Variants in CRACD observed in about 807,000 individuals in gnomAD.
The protein encoded by CRACD is capping protein inhibiting regulator of actin dynamics.
A neutral mutation model predicts 106.8 loss-of-function variants in CRACD; 56 were observed. The ratio of observed to expected loss-of-function variants is 0.52; its 90% CI spans 0.42 to 0.66. The LOEUF (loss-of-function observed/expected upper bound fraction) is 0.66. CRACD is among the 30% of genes least tolerant of loss of function. The pLI is 0.00. For missense variants in CRACD, 1,730 were observed against 1,623.2 expected (o/e 1.07, Z -1.13); for synonymous variants, 754 against 670.8 (o/e 1.12, Z -1.92).
intron 3 of CRACD, among the ~76,000 whole-genome samples, chr4:56,280,781 T>C (rs1177327895): frequency 1.3e-5 from 2 of 152,180 alleles, no homozygotes; most frequent in African/African-American, 4.8e-5. Flanking sequence ...GAATCCACAG[T>C]TGGTGCCATG....
intron 1 of CRACD, among the ~76,000 whole-genome samples, chr4:56,124,213 C>T (rs561833521): frequency 2.8e-4 from 43 of 152,334 alleles, no homozygotes; most frequent in Non-Finnish European, 5.7e-4. Flanking sequence ...GCTGGGATTA[C>T]AGGCGTGAGC....
chr4:56,158,416 G>A (rs1309527875), intron 1 of CRACD, among the ~76,000 whole-genome samples: 1 of 151,946 alleles, frequency 6.6e-6, no homozygotes, highest in Admixed American at 6.6e-5. Flanking sequence ...TCCTCTAAAG[G>A]AAAGAACAAA....
chr4:56,077,027 G>T (rs1732861901), intron 1 of CRACD, among the ~76,000 whole-genome samples: 1 of 152,146 alleles, frequency 6.6e-6, no homozygotes, highest in Non-Finnish European at 1.5e-5. Context: ...GAGTATGCTA[G>T]TGGGATCTGC....
At chr4:56,138,079 C>A (rs968466570) in intron 1 of CRACD, among the ~76,000 whole-genome samples, 1 of 151,928 alleles carries the variant, frequency 6.6e-6, no homozygotes, top group East Asian at 1.9e-4. Context: ...AACCCCCCCA[C>A]CCACTCTCCT....
chr4:56,100,024 C>T (rs917493262), intron 1 of CRACD, among the ~76,000 whole-genome samples: 2 of 152,098 alleles, frequency 1.3e-5, no homozygotes, highest in African/African-American at 4.8e-5. Context: ...GGGCGGATCA[C>T]GAGGTCAGGA....
chr4:56,185,181 T>C (rs1737033100), intron 2 of CRACD, among the ~76,000 whole-genome samples: 1 of 152,106 alleles, frequency 6.6e-6, no homozygotes, highest in African/African-American at 2.4e-5. Context: ...ATGGTCTCGA[T>C]CTCCTGACCT....
chr4:56,060,975 A>G (rs2109785645), intron 1 of CRACD, among the ~76,000 whole-genome samples: 1 of 152,294 alleles, frequency 6.6e-6, no homozygotes, highest in East Asian at 1.9e-4. Context: ...TCTGTTATTT[A>G]TAAGCCACCC....
intron 1 of CRACD, among the ~76,000 whole-genome samples, chr4:56,173,386 G>A (rs564673990): frequency 1.3e-5 from 2 of 152,300 alleles, no homozygotes; most frequent in African/African-American, 4.8e-5. Flanking sequence ...TATCCCTGAG[G>A]ATATGAGAAA....
chr4:56,222,472 C>G (rs1241960196), intron 2 of CRACD, among the ~76,000 whole-genome samples: 1 of 152,120 alleles, frequency 6.6e-6, no homozygotes, highest in Non-Finnish European at 1.5e-5. Flanking sequence ...GCACTGAAAT[C>G]TCAGAATTCA....
chr4:56,060,832 C>T (rs1231829480), intron 1 of CRACD, among the ~76,000 whole-genome samples: 1 of 152,122 alleles, frequency 6.6e-6, no homozygotes. Flanking sequence ...AGAGCTCCCT[C>T]ACCCATTCAA....
At chr4:56,307,921 T>C (rs1376839755) in intron 5 of CRACD, among the ~76,000 whole-genome samples, 6 of 152,188 alleles carry the variant, frequency 3.9e-5, no homozygotes, top group African/African-American at 1.4e-4. Context: ...CTTCCCAGTG[T>C]CTTTCACTTA....
At chr4:56,167,216 C>G (rs1021803669) in intron 1 of CRACD, among the ~76,000 whole-genome samples, 1 of 151,866 alleles carries the variant, frequency 6.6e-6, no homozygotes, top group Non-Finnish European at 1.5e-5. Flanking sequence ...TTCAAAAAAG[C>G]TGTGTTATAT....
At chr4:56,191,464 C>G (rs1271630272) in intron 2 of CRACD, among the ~76,000 whole-genome samples, 2 of 150,662 alleles carry the variant, frequency 1.3e-5, no homozygotes, top group Non-Finnish European at 3.0e-5. Context: ...ACCATCACAT[C>G]CTCTCCTGTG....
At position 56,108,703 on chromosome 4, in the gene CRACD, G is replaced by A. The variant is rs186569109; in HGVS notation, c.-336+59404G>A. ...CCAAGTAATTGATAAGGTCAAGCAA[G>A]TCATGTGATCATGGGACAGGGGGCC... On this transcript the variant is annotated intron_variant, in intron 1 of 10. Transcript: ENST00000682029. Among the ~76,000 whole-genome samples the A allele has an allele frequency of 1.3e-3, 205 of 152,300 alleles. 1 individual carries two copies. The highest frequency in any genetic ancestry group is 4.7e-3 in the African/African-American group (197 of 41,566).
chr4:56,244,653 A>G (rs1740578004), intron 2 of CRACD, among the ~76,000 whole-genome samples: 1 of 152,156 alleles, frequency 6.6e-6, no homozygotes, highest in African/African-American at 2.4e-5. Flanking sequence ...TTTCCCACAC[A>G]CCAGCTGTTC....
chr4:56,057,625 G>GTT (rs1196589410), intron 1 of CRACD, among the ~76,000 whole-genome samples: 30,489 of 124,964 alleles, frequency 0.24, 3,863 homozygotes, highest in African/African-American at 0.3. Flanking sequence ...GATAGGTTGG[G>GTT]TTTTTTTTTT....
chr4:56,143,789 CAT>C (rs1465240257), intron 1 of CRACD, among the ~76,000 whole-genome samples: 1 of 152,046 alleles, frequency 6.6e-6, no homozygotes, highest in Non-Finnish European at 1.5e-5. Context: ...TTTTAATAAA[CAT>C]ATAGAATTTA....
chr4:56,070,520 C>T (rs1056967974), intron 1 of CRACD, among the ~76,000 whole-genome samples: 1 of 152,122 alleles, frequency 6.6e-6, no homozygotes, highest in Non-Finnish European at 1.5e-5. Flanking sequence ...ATCTCCTGAC[C>T]TCGTGATCCG....
intron 2 of CRACD, among the ~76,000 whole-genome samples, chr4:56,241,411 C>T (rs867294320): frequency 9.2e-5 from 14 of 151,826 alleles, no homozygotes; most frequent in African/African-American, 2.4e-4. Flanking sequence ...ATAAAGTCAC[C>T]GAGAGAATGA....
Sources: gnomAD v4.1 joint callset for allele counts (sites outside exome capture counted in the v4.1 genomes callset) on GRCh38, gnomAD v4.1.1 for gene constraint, MANE v1.5 for transcripts, NCBI Gene and HGNC (gene_info 2026-07-23, HGNC 2026-07-21) for gene names.